Variants in FLVCR2 observed in about 807,000 individuals in gnomAD.
FLVCR2 encodes the protein FLVCR choline and putative heme transporter 2.
Under a neutral mutation model 48.9 loss-of-function variants are expected in FLVCR2, and 38 were observed. That is an observed-to-expected ratio of 0.78 (90% CI 0.60 to 1.02). FLVCR2 has a LOEUF of 1.02. FLVCR2 is among the 50% of genes least tolerant of loss of function. The probability of loss-of-function intolerance (pLI) is 0.00; values close to 1 mark genes in which losing one functional copy is unlikely to be tolerated. For synonymous variants in FLVCR2, 255 were observed against 257.0 expected (o/e 0.99, Z 0.07); for missense variants, 664 against 663.3 (o/e 1.00, Z -0.01).
chr14:75,586,504 A>T (rs1473146496), intron 1 of FLVCR2, among the ~76,000 whole-genome samples: 1 of 152,224 alleles, frequency 6.6e-6, no homozygotes, highest in Admixed American at 6.5e-5. Context: ...GACAAATCCC[A>T]GTTCTTCTCA....
At chr14:75,586,398 T>C (rs1888750293) in intron 1 of FLVCR2, among the ~76,000 whole-genome samples, 1 of 152,176 alleles carries the variant, frequency 6.6e-6, no homozygotes, top group African/African-American at 2.4e-5. Context: ...GTTAAGGCTA[T>C]TTTCACTTTT....
Position 75,641,881 on chromosome 14 carries a change from A to G in FLVCR2, c.1492A>G (p.Lys498Glu), listed in dbSNP as rs768105596. The change falls in exon 9 of 10, where the codon AAA (lysine) becomes GAA (glutamate). Residue 498 changes from lysine (K) to glutamate (E), a missense_variant. Transcript: ENST00000238667. ...KADLRRQKAN[K>E]ETLENKLQEE... ...AGATCTCCGGAGACAGAAAGCAAACAAAGAAACTCTTGAGAACGTGAGTAT... is the reference window on the plus strand; with the variant it reads ...AGATCTCCGGAGACAGAAAGCAAACGAAGAAACTCTTGAGAACGTGAGTAT... 1.7e-5 allele frequency: 27 copies of G among 1,614,066 alleles called. No individual in the cohort carries two copies. Among genetic ancestry groups the G allele is most frequent in the Admixed American group, 3.3e-5 (2 of 60,006 alleles).
intron 3 of FLVCR2, among the ~76,000 whole-genome samples, chr14:75,625,608 A>T (rs1485437081): frequency 6.6e-6 from 1 of 152,014 alleles, no homozygotes. Flanking sequence ...TCCACCAGTT[A>T]AAGTTTGATT....
At chr14:75,597,545 G>C (rs374732096) in intron 1 of FLVCR2, among the ~76,000 whole-genome samples, 1 of 151,756 alleles carries the variant, frequency 6.6e-6, no homozygotes, top group Non-Finnish European at 1.5e-5. Flanking sequence ...TAACCAAACT[G>C]TCTAGGAAAG....
chr14:75,633,543 C>A, intron 3 of FLVCR2, 86 bp from the exon 4 acceptor site: 1 of 1,053,574 alleles, frequency 9.5e-7, no homozygotes, highest in South Asian at 1.3e-5. Flanking sequence ...GGATTTCTGC[C>A]CACCCCCCAA....
At chr14:75,639,548 C>A in intron 6 of FLVCR2, 86 bp downstream of exon 6, 1 of 898,048 alleles carries the variant, frequency 1.1e-6, no homozygotes, top group African/African-American at 1.6e-5. Flanking sequence ...AATATTGATG[C>A]CTTTGCTGCC....
At chr14:75,607,670 A>G (rs1186539030) in intron 1 of FLVCR2, among the ~76,000 whole-genome samples, 1 of 152,098 alleles carries the variant, frequency 6.6e-6, no homozygotes, top group Non-Finnish European at 1.5e-5. Context: ...CCTGCTCTTG[A>G]TCTCACTGGG....
intron 9 of FLVCR2, among the ~76,000 whole-genome samples, chr14:75,643,404 A>G (rs1337820212): frequency 2.0e-5 from 3 of 152,230 alleles, no homozygotes; most frequent in Non-Finnish European, 4.4e-5. Flanking sequence ...TCCTCTAGAA[A>G]GGTACTTTGA....
chr14:75,603,606 G>A (rs1339265448), intron 1 of FLVCR2, among the ~76,000 whole-genome samples: 3 of 152,164 alleles, frequency 2.0e-5, no homozygotes, highest in Non-Finnish European at 4.4e-5. Context: ...CTGTCTCACT[G>A]GCTCTCTGCC....
At chr14:75,625,402 G>A (rs897393953) in intron 3 of FLVCR2, among the ~76,000 whole-genome samples, 13 of 151,732 alleles carry the variant, frequency 8.6e-5, no homozygotes, top group Admixed American at 2.0e-4. Flanking sequence ...TTCTTTCCCC[G>A]CATGGTGTTT....
chr14:75,615,053 G>T (rs895129698), intron 1 of FLVCR2, among the ~76,000 whole-genome samples: 15 of 152,212 alleles, frequency 9.9e-5, no homozygotes, highest in African/African-American at 3.6e-4. Flanking sequence ...AAGAACAGTA[G>T]CTGAGGGGTT....
intron 4 of FLVCR2, among the ~76,000 whole-genome samples, 187 bp from the exon 5 acceptor site, chr14:75,634,723 G>A (rs117342828): frequency 1.3e-5 from 2 of 152,192 alleles, no homozygotes; most frequent in Non-Finnish European, 2.9e-5. Context: ...CACAGTCAGG[G>A]TTATATTGTT....
At chr14:75,640,401 GTGTT>G (rs1450509534) in intron 6 of FLVCR2, among the ~76,000 whole-genome samples, 5 of 102,100 alleles carry the variant, frequency 4.9e-5, no homozygotes, top group Admixed American at 4.2e-4. Context: ...CAGTATATGA[GTGTT>G]TGTGTGTGTG....
At chr14:75,590,682 C>T (rs745436715) in intron 1 of FLVCR2, among the ~76,000 whole-genome samples, 1 of 152,056 alleles carries the variant, frequency 6.6e-6, no homozygotes, top group Admixed American at 6.5e-5. Flanking sequence ...ACAGGACATC[C>T]TCCCTCTCTC....
chr14:75,620,267 G>C (rs1208826467), intron 1 of FLVCR2, among the ~76,000 whole-genome samples: 1 of 152,192 alleles, frequency 6.6e-6, no homozygotes, highest in East Asian at 1.9e-4. Context: ...ATCAGCTAAA[G>C]CTCCAAGGAC....
At position 75,647,205 on chromosome 14, in the gene FLVCR2, AG is replaced by A. The variant is rs538801836; in HGVS notation, c.*734del. On this transcript the variant is annotated 3_prime_UTR_variant, in exon 10 of 10. Coordinates refer to ENST00000238667, the MANE Select transcript of FLVCR2 (RefSeq NM_017791.3). ...GCTACCTTCTGAGTATATTTGTGAA[AG>A]CACATATTTGGGAACTCTGGTAGCT... The A allele has an allele frequency of 3.7e-3, 558 of 152,562 alleles. 5 individuals are homozygous for A. Among genetic ancestry groups the A allele is most frequent in the Non-Finnish European group, 5.2e-3 (354 of 68,222 alleles). 9.5% of individuals were successfully genotyped at this position (152,562 alleles called of 1,614,324 possible). A position where few individuals can be genotyped will look rare whatever the true frequency, so the allele number is the denominator to read the frequency against.
At chr14:75,586,554 A>G (rs184781052) in intron 1 of FLVCR2, among the ~76,000 whole-genome samples, 1 of 152,310 alleles carries the variant, frequency 6.6e-6, no homozygotes, top group East Asian at 1.9e-4. Flanking sequence ...CATTTAGAAA[A>G]TGTAACCTTT....
At chr14:75,604,786 G>C (rs1889250331) in intron 1 of FLVCR2, among the ~76,000 whole-genome samples, 1 of 152,154 alleles carries the variant, frequency 6.6e-6, no homozygotes, top group African/African-American at 2.4e-5. Context: ...AAGTGACCAG[G>C]GGTTGGTACA....
intron 1 of FLVCR2, among the ~76,000 whole-genome samples, chr14:75,592,908 A>C (rs570656052): frequency 6.6e-6 from 1 of 152,226 alleles, no homozygotes; most frequent in Non-Finnish European, 1.5e-5. Flanking sequence ...GCCCTAAGGC[A>C]TGGACACAAT....
Sources: gnomAD v4.1 joint callset for allele counts (sites outside exome capture counted in the v4.1 genomes callset) on GRCh38, gnomAD v4.1.1 for gene constraint, MANE v1.5 for transcripts, NCBI Gene and HGNC (gene_info 2026-07-23, HGNC 2026-07-21) for gene names.